Variants in NFIA observed in about 807,000 individuals in gnomAD.
The protein encoded by NFIA is nuclear factor 1 A-type.
A neutral mutation model predicts 62.8 loss-of-function variants in NFIA; 8 were observed. The ratio of observed to expected loss-of-function variants is 0.13; its 90% CI spans 0.07 to 0.23. The LOEUF (loss-of-function observed/expected upper bound fraction) is 0.23, where lower values mean the gene tolerates loss of function less well. Ranked by LOEUF, NFIA falls within the 10% of genes least tolerant of loss-of-function variation. The probability of loss-of-function intolerance (pLI) is 1.00; values close to 1 mark genes in which losing one functional copy is unlikely to be tolerated. For missense variants in NFIA, 410 were observed against 642.1 expected (o/e 0.64, Z 3.91); for synonymous variants, 235 against 238.1 (o/e 0.99, Z 0.12).
chr1:61,252,982 G>A (rs932211782), intron 2 of NFIA, among the ~76,000 whole-genome samples: 1 of 152,194 alleles, frequency 6.6e-6, no homozygotes, highest in Non-Finnish European at 1.5e-5. Flanking sequence ...TATATCTTGG[G>A]ATGAGATGTG....
chr1:61,254,121 G>T (rs905380336), intron 2 of NFIA, among the ~76,000 whole-genome samples: 3 of 152,128 alleles, frequency 2.0e-5, no homozygotes, highest in African/African-American at 7.2e-5. Context: ...TCCATCTTAC[G>T]TCATTTGTGG....
chr1:61,406,750 G>A lies in NFIA; in HGVS notation c.1420+23G>A, dbSNP rs372119764. The stretch of plus-strand genomic sequence containing the variant: ...CAAGTAAGTATGGCTGCGACAAGGC[G>A]CCGGTCACTTCTAAAGCTGTATGCA... On this transcript the variant is annotated intron_variant, in intron 9 of 10. Transcript: ENST00000403491. 44 of 1,581,138 alleles carry A rather than the reference G, an allele frequency of 2.8e-5. No individual in the cohort carries two copies. In the African/African-American group the frequency reaches 3.2e-4, roughly 12 times the overall value.
In NFIA at chr1:61,461,745, C is replaced by G. The variant is rs1299272351; in HGVS notation, c.*6425C>G. 3 of 152,168 alleles carry G rather than the reference C, an allele frequency of 2.0e-5. No homozygotes were observed. The highest frequency in any genetic ancestry group is 4.4e-5 in the Non-Finnish European group (3 of 68,032). The allele number at this position is 152,168 out of a possible 1,614,324, so 9.4% of individuals were successfully genotyped here. A position where few individuals can be genotyped will look rare whatever the true frequency, so the allele number is the denominator to read the frequency against. ...AAAAATAAACTTTCCCAAAATGTGT[C>G]TGAACCACAAGAGCATACAGTGGAA... is the stretch of plus-strand genomic sequence containing the variant. On this transcript the variant is annotated 3_prime_UTR_variant, in exon 11 of 11. Transcript: ENST00000403491.
intron 2 of NFIA, among the ~76,000 whole-genome samples, chr1:61,238,121 A>G (rs1655112036): frequency 6.6e-6 from 1 of 152,198 alleles, no homozygotes; most frequent in African/African-American, 2.4e-5. Context: ...TTAAGACCCC[A>G]AGGAGCTAAA....
rs1455842868 is a variant in NFIA at position 61,104,871 on chromosome 1, C to T, written c.559+16191C>T. Among the ~76,000 whole-genome samples, 4 of 152,048 alleles carry T rather than the reference C, an allele frequency of 2.6e-5. No homozygotes were observed. The East Asian group carries it at 7.7e-4, about 29-fold the overall frequency. On this transcript the variant is annotated intron_variant, in intron 2 of 10. Coordinates refer to ENST00000403491, the MANE Select transcript of NFIA (RefSeq NM_001134673.4). Reference sequence around the variant, plus strand: ...GAATAATTGTCTTCTTTTGTGCTTTCATAGAATGCTAAAAGAAACCAAATT... The same window carrying T: ...GAATAATTGTCTTCTTTTGTGCTTTTATAGAATGCTAAAAGAAACCAAATT...
At chr1:61,430,587 A>G (rs1667058603) in intron 10 of NFIA, among the ~76,000 whole-genome samples, 1 of 152,156 alleles carries the variant, frequency 6.6e-6, no homozygotes, top group Admixed American at 6.5e-5. Flanking sequence ...CATCATCTGT[A>G]ATGATTGGTG....
chr1:61,255,628 A>G (rs1473898644), intron 2 of NFIA, among the ~76,000 whole-genome samples: 1 of 152,186 alleles, frequency 6.6e-6, no homozygotes, highest in African/African-American at 2.4e-5. Flanking sequence ...GGAGACTCAA[A>G]ATCTTTTACG....
intron 2 of NFIA, among the ~76,000 whole-genome samples, chr1:61,147,974 C>T (rs1308798198): frequency 6.6e-6 from 1 of 152,128 alleles, no homozygotes; most frequent in Admixed American, 6.5e-5. Context: ...CTTTTCCCTC[C>T]AGGTGTGAAT....
intron 3 of NFIA, among the ~76,000 whole-genome samples, chr1:61,293,079 A>G (rs1306154716): frequency 2.6e-5 from 4 of 152,208 alleles, no homozygotes; most frequent in Admixed American, 2.6e-4. Context: ...GTCTCAGAAC[A>G]TACTAACCGC....
intron 2 of NFIA, among the ~76,000 whole-genome samples, chr1:61,114,790 G>A (rs1646768681): frequency 1.3e-5 from 2 of 152,116 alleles, no homozygotes; most frequent in Non-Finnish European, 2.9e-5. Flanking sequence ...CTTGTTCATA[G>A]TATGTAATCT....
chr1:61,096,349 G>A (rs1054822047), intron 2 of NFIA, among the ~76,000 whole-genome samples: 3 of 151,648 alleles, frequency 2.0e-5, no homozygotes, highest in Non-Finnish European at 4.4e-5. Flanking sequence ...GAATAGCTGT[G>A]ATTACAGGCA....
At chr1:61,382,465 A>G (rs1664468145) in intron 6 of NFIA, among the ~76,000 whole-genome samples, 1 of 152,208 alleles carries the variant, frequency 6.6e-6, no homozygotes, top group Non-Finnish European at 1.5e-5. Context: ...AATCACCCAA[A>G]TTCAATACAG....
At position 61,082,624 on chromosome 1, in the gene NFIA, T is replaced by G; in HGVS notation, c.-168T>G. 6.6e-7 allele frequency: 1 copy of G among 1,505,424 alleles called. No homozygotes were observed. The highest frequency in any genetic ancestry group is 8.9e-7 in the Non-Finnish European group (1 of 1,121,770). 93.3% of individuals were successfully genotyped at this position (1,505,424 alleles called of 1,614,324 possible). On this transcript the variant is annotated 5_prime_UTR_variant, in exon 1 of 11. Transcript: ENST00000403491. ...GCTGGCTGGCTGCAGTTGAGCCGACTTGGAAATGTGAACGCAAGAAGCAGG... is the reference window on the plus strand; with the variant it reads ...GCTGGCTGGCTGCAGTTGAGCCGACGTGGAAATGTGAACGCAAGAAGCAGG...
At chr1:61,312,356 A>G (rs936190902) in intron 3 of NFIA, among the ~76,000 whole-genome samples, 1 of 152,214 alleles carries the variant, frequency 6.6e-6, no homozygotes, top group Non-Finnish European at 1.5e-5. Flanking sequence ...ACAGATAACA[A>G]CATTGCTCCA....
In NFIA at chr1:61,261,818, A is replaced by G. The variant is rs571347205; in HGVS notation, c.560-15702A>G. On this transcript the variant is annotated intron_variant, in intron 2 of 10. Transcript: ENST00000403491. ...TTAGTGGATTTTCTAATGTAAGAAAATGTTGCTGTTAGTAAAAGTTTCCTC... is the reference window on the plus strand; with the variant it reads ...TTAGTGGATTTTCTAATGTAAGAAAGTGTTGCTGTTAGTAAAAGTTTCCTC... Among the ~76,000 whole-genome samples, 15 of 152,314 alleles carry G rather than the reference A, an allele frequency of 9.8e-5. No individual in the cohort carries two copies. In the South Asian group the frequency reaches 2.9e-3, roughly 29 times the overall value.
intron 3 of NFIA, among the ~76,000 whole-genome samples, chr1:61,324,946 C>T (rs936597500): frequency 6.6e-6 from 1 of 152,154 alleles, no homozygotes; most frequent in Non-Finnish European, 1.5e-5. Flanking sequence ...ATTCAATGAA[C>T]AAGACTTCAG....
rs142760166 is a variant in NFIA, at chr1:61,303,574, A to G, written c.625+25989A>G. Among the ~76,000 whole-genome samples, 3 of 152,338 alleles carry G rather than the reference A, an allele frequency of 2.0e-5. No individual in the cohort carries two copies. In the East Asian group the frequency reaches 5.8e-4, roughly 29 times the overall value. On this transcript the variant is annotated intron_variant, in intron 3 of 10. Transcript: ENST00000403491. ...ATTTCCTTGGGGAAGACTAGTGTGG[A>G]TGGAATGAAGACAGCAAGGTGAGCA...
intron 2 of NFIA, among the ~76,000 whole-genome samples, chr1:61,162,249 A>C (rs1290374593): frequency 6.6e-6 from 1 of 152,146 alleles, no homozygotes; most frequent in African/African-American, 2.4e-5. Context: ...AGCTTGTTAC[A>C]TGCAGATTCT....
intron 3 of NFIA, among the ~76,000 whole-genome samples, chr1:61,283,449 G>A (rs1355794231): frequency 2.0e-5 from 3 of 151,404 alleles, no homozygotes; most frequent in Admixed American, 6.6e-5. Context: ...GGGCGTGATG[G>A]CAGATGCTTG....
Sources: allele counts gnomAD v4.1 joint callset (sites outside exome capture counted in the v4.1 genomes callset), GRCh38; gene constraint gnomAD v4.1.1; transcripts MANE v1.5; gene names NCBI Gene and HGNC (gene_info 2026-07-23, HGNC 2026-07-21).